Variants in NTM observed in about 807,000 individuals in gnomAD.
The protein encoded by NTM is IgLON family member 2.
A neutral mutation model predicts 42.1 loss-of-function variants in NTM; 13 were observed. That is an observed-to-expected ratio of 0.31 (90% CI 0.20 to 0.49). The LOEUF is 0.49. Ranked by LOEUF, NTM falls within the 20% of genes least tolerant of loss-of-function variation. The pLI is 0.99. For missense variants in NTM, 373 were observed against 452.8 expected, an observed-to-expected ratio of 0.82 and a Z score of 1.60; for synonymous variants, 187 against 179.2, an observed-to-expected ratio of 1.04 and a Z score of -0.35.
At chr11:132,309,969 T>C in intron 5 of NTM, 143 bp from the exon 6 acceptor site, 1 of 963,258 alleles carries the variant, frequency 1.0e-6, no homozygotes, top group Non-Finnish European at 1.4e-6. Context: ...TGCAGGAGAA[T>C]TGCTTGAACC....
At chr11:132,162,282 A>C (rs1405838407) in intron 3 of NTM, among the ~76,000 whole-genome samples, 1 of 147,058 alleles carries the variant, frequency 6.8e-6, no homozygotes, top group Non-Finnish European at 1.5e-5. Context: ...TGTGTATGTA[A>C]GTGCTTGTGT....
chr11:131,671,914 C>T (rs1025857084), intron 1 of NTM, among the ~76,000 whole-genome samples: 3 of 152,124 alleles, frequency 2.0e-5, no homozygotes, highest in South Asian at 2.1e-4. Context: ...TGCTTGGCTC[C>T]GGGACAAAGA....
At chr11:132,037,648 C>T (rs1181576052) in intron 2 of NTM, among the ~76,000 whole-genome samples, 1 of 152,148 alleles carries the variant, frequency 6.6e-6, no homozygotes, top group Non-Finnish European at 1.5e-5. Context: ...CACTGGGAGC[C>T]AGAAAGGTGC....
intron 1 of NTM, chr11:131,671,528 C>G (rs2070236517): frequency 1.6e-5 from 16 of 980,884 alleles, no homozygotes; most frequent in South Asian, 4.7e-5. Flanking sequence ...TGCCCTCACC[C>G]TCCTCTGGGC....
chr11:131,728,362 C>A (rs1297167871), intron 1 of NTM, among the ~76,000 whole-genome samples: 1 of 152,162 alleles, frequency 6.6e-6, no homozygotes, highest in Non-Finnish European at 1.5e-5. Context: ...GCTCACAGAA[C>A]TCAATGAAAC....
At chr11:131,829,377 C>T (rs2042529850) in intron 1 of NTM, among the ~76,000 whole-genome samples, 1 of 152,088 alleles carries the variant, frequency 6.6e-6, no homozygotes, top group South Asian at 2.1e-4. Flanking sequence ...GTCTATTGTT[C>T]CCATCTTTAT....
At chr11:132,282,705 A>G (rs1301309673) in intron 4 of NTM, among the ~76,000 whole-genome samples, 1 of 152,214 alleles carries the variant, frequency 6.6e-6, no homozygotes, top group African/African-American at 2.4e-5. Context: ...GAGGAAGATG[A>G]TTTAGAAAAC....
At position 131,948,373 on chromosome 11, in the gene NTM, C is replaced by A. The variant is rs57370490; in HGVS notation, c.167+36725C>A. ...CAGTGAGACTCCATCTCAAAAAAAACAAAAAAACAAAAAAACAAAAAAAAG... is the reference window on the plus strand; with the variant it reads ...CAGTGAGACTCCATCTCAAAAAAAAAAAAAAAACAAAAAAACAAAAAAAAG... On this transcript the variant is annotated intron_variant, in intron 2 of 8. Transcript: ENST00000683400. Among the ~76,000 whole-genome samples the A allele has an allele frequency of 2.0e-3, 214 of 107,702 alleles. 2 individuals carry two copies. Among genetic ancestry groups the A allele is most frequent in the African/African-American group, 5.3e-3 (156 of 29,468 alleles). 70.7% of individuals were successfully genotyped at this position (107,702 alleles called of 152,430 possible). A position where few individuals can be genotyped will look rare whatever the true frequency, so the allele number is the denominator to read the frequency against.
chr11:131,722,426 C>T (rs907866337), intron 1 of NTM, among the ~76,000 whole-genome samples: 3 of 152,200 alleles, frequency 2.0e-5, no homozygotes, highest in African/African-American at 7.2e-5. Context: ...AACTCGTAAC[C>T]ATAGAACCAG....
At chr11:132,139,549 A>G (rs1231653430) in intron 2 of NTM, among the ~76,000 whole-genome samples, 1 of 152,196 alleles carries the variant, frequency 6.6e-6, no homozygotes, top group Non-Finnish European at 1.5e-5. Context: ...GACAGGTGGT[A>G]GGTGTGCTTA....
At chr11:132,286,617 A>G (rs1018996812) in intron 4 of NTM, among the ~76,000 whole-genome samples, 2 of 151,876 alleles carry the variant, frequency 1.3e-5, no homozygotes, top group South Asian at 4.1e-4. Context: ...GATACTTCTG[A>G]TACTCAATGG....
At chr11:131,916,614 G>A (rs750114408) in intron 2 of NTM, among the ~76,000 whole-genome samples, 24 of 152,102 alleles carry the variant, frequency 1.6e-4, no homozygotes, top group East Asian at 3.9e-4. Context: ...AGGAAGCTGC[G>A]GCACTTTGCT....
intron 2 of NTM, among the ~76,000 whole-genome samples, chr11:132,074,231 C>T (rs2058071022): frequency 6.6e-6 from 1 of 152,194 alleles, no homozygotes; most frequent in Admixed American, 6.5e-5. Flanking sequence ...GACTTACAGG[C>T]CATTGGACAC....
intron 2 of NTM, among the ~76,000 whole-genome samples, chr11:132,127,987 T>C (rs973786097): frequency 1.3e-5 from 2 of 152,196 alleles, no homozygotes; most frequent in African/African-American, 2.4e-5. Flanking sequence ...TTTACACTTT[T>C]CTGGCTTTTG....
chr11:131,752,719 A>C (rs1471806965), intron 1 of NTM, among the ~76,000 whole-genome samples: 1 of 152,152 alleles, frequency 6.6e-6, no homozygotes, highest in Non-Finnish European at 1.5e-5. Context: ...TCCCTTCCTT[A>C]CACCTTATAC....
intron 1 of NTM, among the ~76,000 whole-genome samples, chr11:131,553,979 G>T (rs2055051521): frequency 6.6e-6 from 1 of 152,120 alleles, no homozygotes; most frequent in Admixed American, 6.5e-5. Context: ...CAATACCTTT[G>T]TTCCTCCTCT....
rs886140008 is a variant in NTM, at chr11:131,515,063, C to T, written c.82+144175C>T. Among the ~76,000 whole-genome samples the T allele has an allele frequency of 5.9e-5, 9 of 152,118 alleles. 1 individual carries two copies. The highest frequency in any genetic ancestry group is 5.9e-4 in the Admixed American group (9 of 15,268). On this transcript the variant is annotated intron_variant, in intron 1 of 8. Coordinates refer to ENST00000683400, the MANE Select transcript of NTM (RefSeq NM_001352005.2). ...AGCTGGAACTACTACCAGCATGTGC[C>T]ACTATGCCTGGCTAAGTTTTATAAA...
rs565049054 is a variant in NTM, at chr11:131,747,611, G to A, written c.83-163953G>A. ...AAAATAAACCATGTTGCTTCTAAAT[G>A]TCAAACAGTTCTGTGGGGCCACATG... On this transcript the variant is annotated intron_variant, in intron 1 of 8. Coordinates refer to ENST00000683400, the MANE Select transcript of NTM (RefSeq NM_001352005.2). Among the ~76,000 whole-genome samples, 71 of 152,256 alleles carry A rather than the reference G, an allele frequency of 4.7e-4. 1 individual carries two copies. Among genetic ancestry groups the A allele is most frequent in the African/African-American group, 1.7e-3 (70 of 41,552 alleles).
At position 131,558,569 on chromosome 11, in the gene NTM, C is replaced by T. The variant is rs141922496; in HGVS notation, c.82+187681C>T. 4.0e-3 allele frequency among the ~76,000 whole-genome samples: 610 copies of T among 152,094 alleles called. 2 individuals are homozygous for T. Among genetic ancestry groups the T allele is most frequent in the African/African-American group, 0.011 (449 of 41,460 alleles). On this transcript the variant is annotated intron_variant, in intron 1 of 8. Coordinates refer to ENST00000683400, the MANE Select transcript of NTM (RefSeq NM_001352005.2). Reference sequence around the variant, plus strand: ...TAGGATTTCCTACCTTTTTGGTATACGCGCATTCTATATTAAAACAGCTCC... The same window carrying T: ...TAGGATTTCCTACCTTTTTGGTATATGCGCATTCTATATTAAAACAGCTCC...
Sources: allele counts gnomAD v4.1 joint callset (sites outside exome capture counted in the v4.1 genomes callset), GRCh38; gene constraint gnomAD v4.1.1; transcripts MANE v1.5; gene names NCBI Gene and HGNC (gene_info 2026-07-23, HGNC 2026-07-21).